The following LAMA2 variants were observed in gnomAD, a reference collection of about 807,000 sequenced individuals.
The protein encoded by LAMA2 is laminin subunit alpha-2.
Under a neutral mutation model 364.8 loss-of-function variants are expected in LAMA2, and 269 were observed. That is an observed-to-expected ratio of 0.74 (90% CI 0.67 to 0.82). LAMA2 has a LOEUF of 0.82. Among genes scored for constraint, LAMA2 ranks in the 40% least tolerant of loss-of-function variants. The pLI, the probability that LAMA2 is intolerant of heterozygous loss-of-function variation, is 0.00. For missense variants in LAMA2, 3,807 were observed against 3,873.2 expected (o/e 0.98, Z 0.45); for synonymous variants, 1,379 against 1,370.6 (o/e 1.01, Z -0.14).
At chr6:129,247,762 T>C (rs1288900018) in intron 12 of LAMA2, among the ~76,000 whole-genome samples, 1 of 152,116 alleles carries the variant, frequency 6.6e-6, no homozygotes, top group Non-Finnish European at 1.5e-5. Flanking sequence ...TAGAAAAAAA[T>C]CATTTTATGA....
At chr6:129,512,624 A>G (rs1786691618) in intron 63 of LAMA2, 131 bp downstream of exon 63, 5 of 1,023,014 alleles carry the variant, frequency 4.9e-6, no homozygotes, top group Admixed American at 1.7e-5. Context: ...GCTAAATTGT[A>G]TGTTTTCATC....
chr6:128,960,588 G>A (rs536405655), intron 1 of LAMA2, among the ~76,000 whole-genome samples: 1 of 152,172 alleles, frequency 6.6e-6, no homozygotes, highest in Admixed American at 6.5e-5. Flanking sequence ...TGGAACGCCT[G>A]ACCTCGGGTG....
At chr6:128,990,751 T>C (rs1783559024) in intron 1 of LAMA2, among the ~76,000 whole-genome samples, 1 of 150,346 alleles carries the variant, frequency 6.7e-6, no homozygotes, top group Non-Finnish European at 1.5e-5. Context: ...ACTACTTTCA[T>C]TGTGTGGGTG....
chr6:129,271,669 G>A (rs1264179143), intron 17 of LAMA2, among the ~76,000 whole-genome samples: 1 of 151,738 alleles, frequency 6.6e-6, no homozygotes, highest in Non-Finnish European at 1.5e-5. Context: ...TTAAATAAAA[G>A]GAAATTATTT....
At chr6:129,508,871 A>C (rs183370012) in intron 62 of LAMA2, among the ~76,000 whole-genome samples, 203 of 152,268 alleles carry the variant, frequency 1.3e-3, no homozygotes, top group Non-Finnish European at 1.7e-3. Flanking sequence ...TATATCTAAG[A>C]GTGGAATTGA....
intron 1 of LAMA2, among the ~76,000 whole-genome samples, chr6:128,974,945 G>A (rs957725901): frequency 8.6e-5 from 13 of 151,180 alleles, no homozygotes; most frequent in South Asian, 2.1e-4. Context: ...TCCGCCTCAC[G>A]GGTTCACGCC....
intron 20 of LAMA2, chr6:129,292,882 G>C: frequency 2.0e-6 from 2 of 985,896 alleles, no homozygotes; most frequent in East Asian, 1.1e-4. Flanking sequence ...TCACCGCAAT[G>C]TGATATTACA....
At chr6:129,394,518 A>G (rs1779499809) in intron 37 of LAMA2, among the ~76,000 whole-genome samples, 1 of 152,008 alleles carries the variant, frequency 6.6e-6, no homozygotes, top group Admixed American at 6.5e-5. Context: ...TTTTTTCTTC[A>G]CTGATGCACC....
chr6:129,353,239 C>T lies in LAMA2; in HGVS notation c.4599C>T (p.Gly1533=). Residue 1533 remains glycine (G), a synonymous_variant, in exon 32 of 65, where the codon GGC becomes GGT. Transcript: ENST00000421865. ...AAGAATGTGAGTGTGATCCCTATGG[C>T]TCACTGCCTGTGCCCTGTGACCCTG... is the stretch of plus-strand genomic sequence containing the variant. ...SCQECECDPY[G]SLPVPCDPVT... is the part of the protein sequence containing the mutation. 1 of 1,614,016 alleles carries T rather than the reference C, an allele frequency of 6.2e-7. No individual in the cohort carries two copies. Among genetic ancestry groups the T allele is most frequent in the Non-Finnish European group, 8.5e-7 (1 of 1,179,886 alleles).
rs765960304 is a variant in LAMA2 at position 129,146,970 on chromosome 6, G to T, written c.831G>T (p.Ser277=). Residue 277 remains serine (S), a synonymous_variant, in exon 6 of 65, where the codon TCG becomes TCT. Coordinates refer to ENST00000421865, the MANE Select transcript of LAMA2 (RefSeq NM_000426.4). ...DPIVTRRYYY[S]VKDISVGGMC... is the part of the protein sequence containing the mutation. ...ATTGCTTTTTGCAGTATTACTACTC[G>T]GTCAAGGATATTTCAGTTGGAGGGA... 2 of 1,608,442 alleles carry T rather than the reference G, an allele frequency of 1.2e-6. No homozygotes were observed. Among genetic ancestry groups the T allele is most frequent in the South Asian group, 2.2e-5 (2 of 90,968 alleles).
At chr6:129,158,618 G>T in intron 8 of LAMA2, 1 of 1,614,118 alleles carries the variant, frequency 6.2e-7, no homozygotes, top group East Asian at 2.2e-5. Flanking sequence ...TGGAGAAGAT[G>T]ATCATAGCAA....
chr6:128,964,777 C>G (rs765711067), intron 1 of LAMA2, among the ~76,000 whole-genome samples: 31 of 152,136 alleles, frequency 2.0e-4, no homozygotes, highest in African/African-American at 7.5e-4. Flanking sequence ...AATGTTTGCT[C>G]TTAGTCCACA....
chr6:129,194,278 A>T (rs1318144669), intron 12 of LAMA2, among the ~76,000 whole-genome samples: 1 of 152,114 alleles, frequency 6.6e-6, no homozygotes, highest in Non-Finnish European at 1.5e-5. Flanking sequence ...CAGAGGCCTT[A>T]TTTCTTATAT....
At chr6:129,247,567 G>A (rs973760080) in intron 12 of LAMA2, among the ~76,000 whole-genome samples, 9 of 152,198 alleles carry the variant, frequency 5.9e-5, no homozygotes, top group African/African-American at 2.2e-4. Flanking sequence ...CTAATATTGT[G>A]TAAATGGGTA....
intron 21 of LAMA2, among the ~76,000 whole-genome samples, chr6:129,300,417 C>T (rs971359733): frequency 6.6e-5 from 10 of 152,106 alleles, no homozygotes; most frequent in East Asian, 3.9e-4. Flanking sequence ...TTGTAGTACC[C>T]GAATATAAGG....
At chr6:128,886,368 G>A (rs1776148153) in intron 1 of LAMA2, among the ~76,000 whole-genome samples, 2 of 152,014 alleles carry the variant, frequency 1.3e-5, no homozygotes, top group Non-Finnish European at 2.9e-5. Flanking sequence ...TGAATATGAA[G>A]ACAGGAAGAG....
At chr6:129,251,068 C>CTATA (rs1786181489) in intron 13 of LAMA2, among the ~76,000 whole-genome samples, 1 of 68,508 alleles carries the variant, frequency 1.5e-5, no homozygotes, top group African/African-American at 4.7e-5. Flanking sequence ...CTCTCTCTCT[C>CTATA]TCTCTCTCTA....
chr6:129,024,382 C>CTTTTTTTTTTTTT (rs202105513), intron 1 of LAMA2, among the ~76,000 whole-genome samples: 1 of 116,794 alleles, frequency 8.6e-6, no homozygotes, highest in Non-Finnish European at 1.9e-5. Context: ...TCTTTTCTTT[C>CTTTTTTTTTTTTT]TTTTTTTTTT....
intron 8 of LAMA2, among the ~76,000 whole-genome samples, chr6:129,156,438 AT>A (rs1466790272): frequency 6.6e-6 from 1 of 151,812 alleles, no homozygotes; most frequent in Non-Finnish European, 1.5e-5. Context: ...TGTAAAAAAA[AT>A]TTTTAAATAA....
Sources: gnomAD v4.1 joint callset for allele counts (sites outside exome capture counted in the v4.1 genomes callset) on GRCh38, gnomAD v4.1.1 for gene constraint, MANE v1.5 for transcripts, NCBI Gene and HGNC (gene_info 2026-07-23, HGNC 2026-07-21) for gene names.